ODAPH: variants seen among roughly 807,000 people sequenced by gnomAD.
ODAPH encodes the protein odontogenesis associated phosphoprotein.
A neutral mutation model predicts 2.8 loss-of-function variants in ODAPH; 2 were observed. The ratio of observed to expected loss-of-function variants is 0.72; its 90% CI spans 0.30 to 2.28. The LOEUF is 2.28. Among genes scored for constraint, ODAPH ranks in the 30% most tolerant of loss-of-function variants. The pLI is 0.13. For synonymous variants in ODAPH, 75 were observed against 60.3 expected, an observed-to-expected ratio of 1.24 and a Z score of -1.13; for missense variants, 159 against 163.3, an observed-to-expected ratio of 0.97 and a Z score of 0.14.
In ODAPH at chr4:75,564,220, C is replaced by A. The variant is rs149872876; in HGVS notation, c.174C>A (p.Val58=). ...CTCCACCTGCCCCGAGGAGTCCGGT[C>A]ACAAGGGCCCAGCCCATCACAAAGA... is the stretch of plus-strand genomic sequence containing the variant. ...LTPPPAPRSP[V]TRAQPITKTP... Residue 58 remains valine (V), a synonymous_variant, in exon 2 of 2, where the codon GTC becomes GTA. Coordinates refer to ENST00000311623, the MANE Select transcript of ODAPH (RefSeq NM_178497.5). 6.2e-7 allele frequency: 1 copy of A among 1,614,100 alleles called. No individual in the cohort carries two copies. The highest frequency in any genetic ancestry group is 8.5e-7 in the Non-Finnish European group (1 of 1,180,048).
At chr4:75,557,629 A>T (rs1383566092) in intron 1 of ODAPH, among the ~76,000 whole-genome samples, 1 of 152,080 alleles carries the variant, frequency 6.6e-6, no homozygotes, top group East Asian at 1.9e-4. Context: ...ACAAGAGTGA[A>T]ACTCTGTCTC....
intron 1 of ODAPH, among the ~76,000 whole-genome samples, chr4:75,557,707 C>T (rs1202447776): frequency 1.3e-5 from 2 of 152,198 alleles, no homozygotes; most frequent in African/African-American, 2.4e-5. Context: ...CCCTACAATC[C>T]CTCGAAGTCC....
chr4:75,563,609 C>T (rs1459339351), intron 1 of ODAPH, among the ~76,000 whole-genome samples: 1 of 152,000 alleles, frequency 6.6e-6, no homozygotes, highest in Non-Finnish European at 1.5e-5. Flanking sequence ...ATTATTTTGA[C>T]TTTTTCTTAA....
chr4:75,564,650 C>A lies in ODAPH; in HGVS notation c.*211C>A, dbSNP rs144626669. 1 of 1,000,582 alleles carries A rather than the reference C, an allele frequency of 1.0e-6. No individual in the cohort carries two copies. Among genetic ancestry groups the A allele is most frequent in the Non-Finnish European group, 1.4e-6 (1 of 698,544 alleles). The allele number at this position is 1,000,582 out of a possible 1,614,324, so 62.0% of individuals were successfully genotyped here. A position where few individuals can be genotyped will look rare whatever the true frequency, so the allele number is the denominator to read the frequency against. Reference sequence around the variant, plus strand: ...TGATGGTTGCAAAATTGGACAATAACCACGTTATTTTTATCCTCAACCTCT... The same window carrying A: ...TGATGGTTGCAAAATTGGACAATAAACACGTTATTTTTATCCTCAACCTCT... On this transcript the variant is annotated 3_prime_UTR_variant, in exon 2 of 2. Transcript: ENST00000311623.
rs13143679 is a variant in ODAPH, at chr4:75,556,784, G to A, written c.67+635G>A. 8.0e-3 allele frequency among the ~76,000 whole-genome samples: 1,224 copies of A among 152,230 alleles called. 11 individuals carry two copies. The highest frequency in any genetic ancestry group is 0.012 in the Non-Finnish European group (849 of 68,002). ...TTGGTTTGCAAACCCCTAGGAAAAG[G>A]AAAGAAAAGGCTGGGGAAGGGATGA... On this transcript the variant is annotated intron_variant, in intron 1 of 1. Transcript: ENST00000311623.
chr4:75,559,360 C>T (rs1419921242), intron 1 of ODAPH, among the ~76,000 whole-genome samples: 4 of 152,200 alleles, frequency 2.6e-5, no homozygotes, highest in African/African-American at 9.7e-5. Flanking sequence ...ACTGTATGTC[C>T]AGCAATGTTC....
chr4:75,556,222 A>G lies in ODAPH; in HGVS notation c.67+73A>G. 4 of 1,359,318 alleles carry G rather than the reference A, an allele frequency of 2.9e-6. No individual in the cohort carries two copies. The Middle Eastern group carries it at 5.4e-4, about 183-fold the overall frequency. 84.2% of individuals were successfully genotyped at this position (1,359,318 alleles called of 1,614,324 possible). On this transcript the variant is annotated intron_variant, in intron 1 of 1. Transcript: ENST00000311623. Reference sequence around the variant, plus strand: ...TGTAGGAAAAGACAAAACTGGCTCCATGATTATACGTTCCCATAAATTGGA... The same window carrying G: ...TGTAGGAAAAGACAAAACTGGCTCCGTGATTATACGTTCCCATAAATTGGA...
chr4:75,564,218 G>A lies in ODAPH; in HGVS notation c.172G>A (p.Val58Ile). The A allele has an allele frequency of 6.2e-7, 1 of 1,614,174 alleles. No homozygotes were observed. The highest frequency in any genetic ancestry group is 8.5e-7 in the Non-Finnish European group (1 of 1,180,046). Residue 58 changes from valine (V) to isoleucine (I), a missense_variant, in exon 2 of 2, where the codon GTC becomes ATC. Coordinates refer to ENST00000311623, the MANE Select transcript of ODAPH (RefSeq NM_178497.5). The stretch of plus-strand genomic sequence containing the variant: ...CCCTCCACCTGCCCCGAGGAGTCCG[G>A]TCACAAGGGCCCAGCCCATCACAAA... ...LTPPPAPRSP[V>I]TRAQPITKTP... is the part of the protein sequence containing the mutation.
At chr4:75,562,041 C>G (rs984723606) in intron 1 of ODAPH, among the ~76,000 whole-genome samples, 1 of 152,178 alleles carries the variant, frequency 6.6e-6, no homozygotes, top group Non-Finnish European at 1.5e-5. Context: ...CTTCCACTGA[C>G]GTCTTCCACT....
At chr4:75,556,586 T>G in intron 1 of ODAPH, 1 of 1,534,002 alleles carries the variant, frequency 6.5e-7, no homozygotes, top group Non-Finnish European at 8.7e-7. Context: ...TTGCACATGG[T>G]GGGTATTTAG....
rs140149668 is a variant in ODAPH, at chr4:75,559,325, C to A, written c.67+3176C>A. ...TTCCATAACATTCAAGATTAATAAC[C>A]GTAGCTAACACTTATTAAGTGTGAA... On this transcript the variant is annotated intron_variant, in intron 1 of 1. Transcript: ENST00000311623. Among the ~76,000 whole-genome samples, 10 of 152,298 alleles carry A rather than the reference C, an allele frequency of 6.6e-5. No individual in the cohort carries two copies. In the East Asian group the frequency reaches 1.7e-3, roughly 26 times the overall value.
At chr4:75,563,016 T>TGTTTG (rs1560561955) in intron 1 of ODAPH, among the ~76,000 whole-genome samples, 1 of 74,272 alleles carries the variant, frequency 1.3e-5, no homozygotes, top group African/African-American at 5.5e-5. Context: ...TTTTTTTTTT[T>TGTTTG]TTTTTTTTTT....
chr4:75,556,582 A>G (rs1727347437), intron 1 of ODAPH: 2 of 1,534,280 alleles, frequency 1.3e-6, no homozygotes, highest in Non-Finnish European at 1.7e-6. Flanking sequence ...TAATTTGCAC[A>G]TGGTGGGTAT....
chr4:75,564,228 C>T lies in ODAPH; in HGVS notation c.182C>T (p.Ala61Val). The change falls in exon 2 of 2, where the codon GCC becomes GTC. Residue 61 changes from alanine (A) to valine (V), a missense_variant. Ala to Val is a moderately conservative substitution (Grantham distance 64). Coordinates refer to ENST00000311623, the MANE Select transcript of ODAPH (RefSeq NM_178497.5). Reference sequence around the variant, plus strand: ...GCCCCGAGGAGTCCGGTCACAAGGGCCCAGCCCATCACAAAGACACCCAGG... The same window carrying T: ...GCCCCGAGGAGTCCGGTCACAAGGGTCCAGCCCATCACAAAGACACCCAGG... ...PPAPRSPVTR[A>V]QPITKTPRCP... 1 of 1,614,234 alleles carries T rather than the reference C, an allele frequency of 6.2e-7. No individual in the cohort carries two copies. Among genetic ancestry groups the T allele is most frequent in the Non-Finnish European group, 8.5e-7 (1 of 1,180,042 alleles).
Position 75,559,944 on chromosome 4 carries a change from T to C in ODAPH, c.67+3795T>C, listed in dbSNP as rs111400972. 5.3e-5 allele frequency among the ~76,000 whole-genome samples: 8 copies of C among 152,256 alleles called. 1 individual carries two copies. The highest frequency in any genetic ancestry group is 1.7e-4 in the African/African-American group (7 of 41,560). ...GGACTCACAGGGTGCTAAGAAAGCA[T>C]GTTGCAAAGGGTTTTAACCAAGCCT... On this transcript the variant is annotated intron_variant, in intron 1 of 1. Transcript: ENST00000311623.
At chr4:75,563,587 C>T (rs1441465130) in intron 1 of ODAPH, among the ~76,000 whole-genome samples, 1 of 152,058 alleles carries the variant, frequency 6.6e-6, no homozygotes, top group African/African-American at 2.4e-5. Flanking sequence ...TATCCTTTCC[C>T]TAAGCTGAAT....
intron 1 of ODAPH, 39 bp downstream of exon 1, chr4:75,556,188 T>C (rs1402072380): frequency 1.3e-6 from 2 of 1,591,398 alleles, no homozygotes; most frequent in Non-Finnish European, 1.7e-6. Context: ...GGTCCACTAA[T>C]TAATAAGTTG....
intron 1 of ODAPH, among the ~76,000 whole-genome samples, chr4:75,558,102 T>G (rs972572186): frequency 2.0e-5 from 3 of 152,204 alleles, no homozygotes; most frequent in Non-Finnish European, 4.4e-5. Flanking sequence ...CTCCTTGAGC[T>G]CAGGCTCTTA....
chr4:75,558,575 T>A (rs1390016340), intron 1 of ODAPH, among the ~76,000 whole-genome samples: 1 of 152,140 alleles, frequency 6.6e-6, no homozygotes, highest in African/African-American at 2.4e-5. Flanking sequence ...TTTAAAGTAG[T>A]TGTTGGTATG....
Sources: gnomAD v4.1 joint callset for allele counts (sites outside exome capture counted in the v4.1 genomes callset) on GRCh38, gnomAD v4.1.1 for gene constraint, MANE v1.5 for transcripts, NCBI Gene and HGNC (gene_info 2026-07-23, HGNC 2026-07-21) for gene names.